Variants in C19orf12 observed in about 807,000 individuals in gnomAD.
C19orf12 encodes chromosome 19 open reading frame 12.
C19orf12 carries 2 observed loss-of-function variants against 3.8 expected under a neutral mutation model. The ratio of observed to expected loss-of-function variants is 0.53; its 90% confidence interval spans 0.22 to 1.66. C19orf12 has a LOEUF of 1.66. C19orf12 is among the 40% of genes most tolerant of loss of function. The pLI, the probability that C19orf12 is intolerant of heterozygous loss-of-function variation, is 0.20. For synonymous variants in C19orf12, 89 were observed against 84.6 expected (o/e 1.05, Z -0.28); for missense variants, 156 against 188.8 (o/e 0.83, Z 1.02).
At chr19:29,705,333 A>C (rs1972314765) in intron 2 of C19orf12, 1 of 449,558 alleles carries the variant, frequency 2.2e-6, no homozygotes, top group Non-Finnish European at 4.4e-6. Context: ...AGAAAGTGTT[A>C]AAGGCCAGAG....
At position 29,701,565 on chromosome 19, in the gene C19orf12, T is replaced by A. The variant is rs1568324119; in HGVS notation, c.*1147A>T. The A allele has an allele frequency of 2.2e-6, 1 of 454,134 alleles. No individual in the cohort carries two copies. Among genetic ancestry groups the A allele is most frequent in the Non-Finnish European group, 4.4e-6 (1 of 226,796 alleles). 28.1% of individuals were successfully genotyped at this position (454,134 alleles called of 1,614,324 possible). ...TGGATCTAAATGTGGAGACCACAGT[T>A]ACGGAGAGCTGACTGTACTGGGGAA... On this transcript the variant is annotated 3_prime_UTR_variant, in exon 3 of 3. Transcript: ENST00000323670.
At chr19:29,705,049 G>A (rs1430413494) in intron 2 of C19orf12, among the ~76,000 whole-genome samples, 1 of 152,136 alleles carries the variant, frequency 6.6e-6, no homozygotes, top group Non-Finnish European at 1.5e-5. Context: ...GTATGGAAAG[G>A]GAAACAGAAA....
At chr19:29,705,402 C>CAAAAAAA (rs34101444) in intron 2 of C19orf12, 155 of 110,654 alleles carry the variant, frequency 1.4e-3, no homozygotes, top group Non-Finnish European at 1.7e-3. Context: ...ATCCTGAAAC[C>CAAAAAAA]AAAAAAAAAA....
At chr19:29,714,211 A>G (rs1972839614) in intron 1 of C19orf12, among the ~76,000 whole-genome samples, 1 of 152,086 alleles carries the variant, frequency 6.6e-6, no homozygotes, top group Non-Finnish European at 1.5e-5. Context: ...AAAAAATACA[A>G]AAATTGGTCG....
chr19:29,714,937 T>C (rs1480773493), intron 1 of C19orf12, 188 bp downstream of exon 1: 1 of 709,730 alleles, frequency 1.4e-6, no homozygotes. Flanking sequence ...CATGCCTCAG[T>C]TTCTCCATAG....
At chr19:29,703,047 G>A in intron 2 of C19orf12, 70 bp from the exon 3 acceptor site, 1 of 1,592,692 alleles carries the variant, frequency 6.3e-7, no homozygotes, top group Non-Finnish European at 8.6e-7. Context: ...AGTTCCCACT[G>A]AGTGCACACC....
chr19:29,701,638 T>C lies in C19orf12; in HGVS notation c.*1074A>G, dbSNP rs896779367. On this transcript the variant is annotated 3_prime_UTR_variant, in exon 3 of 3. Transcript: ENST00000323670. Reference sequence around the variant, plus strand: ...TTAGAGATGGTTTATATCACACCACTTCAGAAAGAGCAATACAGGCATACC... The same window carrying C: ...TTAGAGATGGTTTATATCACACCACCTCAGAAAGAGCAATACAGGCATACC... The C allele has an allele frequency of 8.8e-6, 4 of 453,952 alleles. No homozygotes were observed. Among genetic ancestry groups the C allele is most frequent in the Non-Finnish European group, 1.3e-5 (3 of 226,788 alleles). 28.1% of individuals were successfully genotyped at this position (453,952 alleles called of 1,614,324 possible).
Position 29,700,796 on chromosome 19 carries a change from C to T in C19orf12, c.*1916G>A. 2.2e-6 allele frequency: 1 copy of T among 454,146 alleles called. No homozygotes were observed. The highest frequency in any genetic ancestry group is 1.6e-5 in the South Asian group (1 of 64,478). 28.1% of individuals were successfully genotyped at this position (454,146 alleles called of 1,614,324 possible). ...TAATTCACCCTGACGTCCTTACACA[C>T]ATGGAGGTGCCAGGATACTGAGCTT... On this transcript the variant is annotated 3_prime_UTR_variant, in exon 3 of 3. Coordinates refer to ENST00000323670, the MANE Select transcript of C19orf12 (RefSeq NM_031448.6).
At chr19:29,707,591 C>A (rs2145637109) in intron 2 of C19orf12, among the ~76,000 whole-genome samples, 1 of 152,280 alleles carries the variant, frequency 6.6e-6, no homozygotes, top group African/African-American at 2.4e-5. Context: ...ACCCAGGACA[C>A]CCTGGTATCT....
At chr19:29,714,051 C>T (rs1180983431) in intron 1 of C19orf12, among the ~76,000 whole-genome samples, 1 of 148,782 alleles carries the variant, frequency 6.7e-6, no homozygotes, top group African/African-American at 2.5e-5. Flanking sequence ...TTTGTTGTTG[C>T]TGGTGTTGTT....
intron 2 of C19orf12, 81 bp downstream of exon 2, chr19:29,708,173 G>A: frequency 1.3e-6 from 2 of 1,577,436 alleles, no homozygotes; most frequent in Non-Finnish European, 1.7e-6. Flanking sequence ...GCCACACTGT[G>A]CCTGGCCTTC....
intron 1 of C19orf12, chr19:29,714,904 T>C: frequency 1.5e-6 from 1 of 686,158 alleles, no homozygotes; most frequent in Non-Finnish European, 2.7e-6. Flanking sequence ...CTCTGCTGCT[T>C]ACTTGTGTGA....
At position 29,702,557 on chromosome 19, in the gene C19orf12, C is replaced by A; in HGVS notation, c.*155G>T. 2 of 1,007,322 alleles carry A rather than the reference C, an allele frequency of 2.0e-6. No individual in the cohort carries two copies. The highest frequency in any genetic ancestry group is 1.6e-6 in the Non-Finnish European group (1 of 643,698). 62.4% of individuals were successfully genotyped at this position (1,007,322 alleles called of 1,614,324 possible). On this transcript the variant is annotated 3_prime_UTR_variant, in exon 3 of 3. Transcript: ENST00000323670. ...GTAATTTCTGGAACATGACACTGCA[C>A]AGCGGTGGCCTCTCCAGCGGGACAT...
At position 29,713,596 on chromosome 19, in the gene C19orf12, A is replaced by G. The variant is rs569508995; in HGVS notation, c.-11+1529T>C. ...CAACATTGACCTCCCACCTCTCCATACCCCAGCGCAAAGGCAGTAGGTGGA... is the reference window on the plus strand; with the variant it reads ...CAACATTGACCTCCCACCTCTCCATGCCCCAGCGCAAAGGCAGTAGGTGGA... On this transcript the variant is annotated intron_variant, in intron 1 of 2. Coordinates refer to ENST00000323670, the MANE Select transcript of C19orf12 (RefSeq NM_031448.6). 4.6e-5 allele frequency among the ~76,000 whole-genome samples: 7 copies of G among 152,158 alleles called. No individual in the cohort carries two copies. The East Asian group carries it at 1.4e-3, about 29-fold the overall frequency.
At chr19:29,714,448 C>G (rs979418314) in intron 1 of C19orf12, among the ~76,000 whole-genome samples, 12 of 152,172 alleles carry the variant, frequency 7.9e-5, no homozygotes, top group African/African-American at 2.9e-4. Flanking sequence ...GAGCCGAGAT[C>G]GCGCCATTGC....
At position 29,702,287 on chromosome 19, in the gene C19orf12, C is replaced by T; in HGVS notation, c.*425G>A. On this transcript the variant is annotated 3_prime_UTR_variant, in exon 3 of 3. Coordinates refer to ENST00000323670, the MANE Select transcript of C19orf12 (RefSeq NM_031448.6). ...CCAGGACCTGCAGGGGGGTGGGATC[C>T]AGTCCTGCAGCAGGTGCTCTGAAGA... 2.2e-6 allele frequency: 1 copy of T among 458,972 alleles called. No homozygotes were observed. The highest frequency in any genetic ancestry group is 4.3e-6 in the Non-Finnish European group (1 of 230,306). The allele number at this position is 458,972 out of a possible 1,614,324, so 28.4% of individuals were successfully genotyped here.
At chr19:29,704,908 C>T (rs927444300) in intron 2 of C19orf12, among the ~76,000 whole-genome samples, 9 of 152,202 alleles carry the variant, frequency 5.9e-5, no homozygotes, top group African/African-American at 1.2e-4. Flanking sequence ...GGCTACTTCA[C>T]GCCAGTTCAT....
rs1972486736 is a variant in C19orf12, at chr19:29,708,299, C to T, written c.115G>A (p.Ala39Thr). 6.2e-7 allele frequency: 1 copy of T among 1,613,864 alleles called. No homozygotes were observed. Among genetic ancestry groups the T allele is most frequent in the Non-Finnish European group, 8.5e-7 (1 of 1,180,032 alleles). ...GKGALVTGAM[A>T]FVGGLVGGPP... ...CCGCCCACCAAACCCCCGACGAAGG[C>T]CATGGCCCCTGTGACCAGGGCACCC... Residue 39 changes from alanine (A) to threonine (T), a missense_variant, in exon 2 of 3, where the codon GCC (alanine) becomes ACC (threonine). Ala to Thr is a moderately conservative substitution (Grantham distance 58). Transcript: ENST00000323670.
At chr19:29,715,095 G>GCCCCGCC (rs1972891805) in intron 1 of C19orf12, 30 bp downstream of exon 1, 3 of 612,462 alleles carry the variant, frequency 4.9e-6, no homozygotes, top group Non-Finnish European at 8.6e-6. Context: ...CCTGGGAGGC[G>GCCCCGCC]CCCCGCCCCG....
Sources: gnomAD v4.1 joint callset for allele counts (sites outside exome capture counted in the v4.1 genomes callset) on GRCh38, gnomAD v4.1.1 for gene constraint, MANE v1.5 for transcripts, NCBI Gene and HGNC (gene_info 2026-07-23, HGNC 2026-07-21) for gene names.